Variants in DNMBP observed in about 807,000 individuals in gnomAD.
The protein encoded by DNMBP is dynamin binding protein.
A neutral mutation model predicts 150.0 loss-of-function variants in DNMBP; 87 were observed. That is an observed-to-expected ratio of 0.58 (90% CI 0.49 to 0.69). The LOEUF is 0.69. Among genes scored for constraint, DNMBP ranks in the 30% least tolerant of loss-of-function variants. DNMBP has a pLI of 0.00. For missense variants in DNMBP, 1,774 were observed against 1,949.0 expected, an observed-to-expected ratio of 0.91 and a Z score of 1.69; for synonymous variants, 711 against 750.4, an observed-to-expected ratio of 0.95 and a Z score of 0.86.
intron 1 of DNMBP, among the ~76,000 whole-genome samples, chr10:99,992,785 C>A (rs2133379258): frequency 6.6e-6 from 1 of 152,240 alleles, no homozygotes; most frequent in Non-Finnish European, 1.5e-5. Context: ...CTGGGCCTCC[C>A]AAAGTGCTGG....
Position 99,877,349 on chromosome 10 carries a change from G to A in DNMBP, c.4549-13C>T, listed in dbSNP as rs565690630. ...CAGCAAAATAGACCTGTGTGAGGGAGAGAGAGAAAATGGGAAATTGCTGGG... is the reference window on the plus strand; with the variant it reads ...CAGCAAAATAGACCTGTGTGAGGGAAAGAGAGAAAATGGGAAATTGCTGGG... On this transcript the variant is annotated splice_polypyrimidine_tract_variant and intron_variant, in intron 16 of 16. Transcript: ENST00000324109. The A allele has an allele frequency of 1.9e-6, 3 of 1,590,884 alleles. No homozygotes were observed. Among genetic ancestry groups the A allele is most frequent in the Non-Finnish European group, 2.6e-6 (3 of 1,168,108 alleles).
chr10:99,975,227 G>A (rs2040716143), intron 1 of DNMBP, among the ~76,000 whole-genome samples: 1 of 152,134 alleles, frequency 6.6e-6, no homozygotes, highest in South Asian at 2.1e-4. Flanking sequence ...AGGCGTGGTG[G>A]TGCATGCCTG....
chr10:99,896,368 T>TA lies in DNMBP; in HGVS notation c.2949dup (p.Ser984Ter). Reference sequence around the variant, plus strand: ...AGTTTGGAAATTTTCTCCATAAGGCTATCTTCATCACCCTTACGGTACTTG... The same window carrying TA: ...AGTTTGGAAATTTTCTCCATAAGGCTAATCTTCATCACCCTTACGGTACTTG... On this transcript the variant is annotated frameshift_variant, in exon 10 of 17. Transcript: ENST00000324109. LOFTEE classifies it high-confidence loss of function. The TA allele has an allele frequency of 6.2e-7, 1 of 1,614,188 alleles. No homozygotes were observed. Among genetic ancestry groups the TA allele is most frequent in the South Asian group, 1.1e-5 (1 of 91,084 alleles).
chr10:99,959,487 A>T (rs2040537729), intron 3 of DNMBP, among the ~76,000 whole-genome samples: 1 of 152,056 alleles, frequency 6.6e-6, no homozygotes, highest in Admixed American at 6.6e-5. Flanking sequence ...ACACTGTCTC[A>T]AAAACAAAAA....
chr10:100,001,346 G>A lies in DNMBP; in HGVS notation c.-11+8492C>T, dbSNP rs1175309089. Among the ~76,000 whole-genome samples, 9 of 144,436 alleles carry A rather than the reference G, an allele frequency of 6.2e-5. No homozygotes were observed. In the East Asian group the frequency reaches 1.6e-3, roughly 26 times the overall value. 94.8% of individuals were successfully genotyped at this position (144,436 alleles called of 152,430 possible). A position where few individuals can be genotyped will look rare whatever the true frequency, so the allele number is the denominator to read the frequency against. Reference sequence around the variant, plus strand: ...ATAGGGATGTTCACCTATGAATTCTGTCACTTCCACACTAGCAAAAAGTGA... The same window carrying A: ...ATAGGGATGTTCACCTATGAATTCTATCACTTCCACACTAGCAAAAAGTGA... On this transcript the variant is annotated intron_variant, in intron 1 of 16. Coordinates refer to ENST00000324109, the MANE Select transcript of DNMBP (RefSeq NM_015221.4).
At chr10:99,981,301 C>A (rs1285012031) in intron 1 of DNMBP, among the ~76,000 whole-genome samples, 1 of 152,116 alleles carries the variant, frequency 6.6e-6, no homozygotes, top group African/African-American at 2.4e-5. Context: ...CGTGCCTCAG[C>A]CTCCTGAGTA....
intron 3 of DNMBP, among the ~76,000 whole-genome samples, chr10:99,966,648 C>G (rs1390276293): frequency 6.6e-6 from 1 of 152,240 alleles, no homozygotes; most frequent in Non-Finnish European, 1.5e-5. Flanking sequence ...GCTATAATCT[C>G]TTAATCTATT....
intron 4 of DNMBP, chr10:99,930,292 A>G: frequency 1.4e-6 from 1 of 702,982 alleles, no homozygotes; most frequent in Non-Finnish European, 2.6e-6. Context: ...CAGTCAGTCA[A>G]CTGTTCAGCT....
At chr10:99,880,450 G>GT (rs2039350168) in intron 15 of DNMBP, 89 bp from the exon 16 acceptor site, 1 of 1,414,768 alleles carries the variant, frequency 7.1e-7, no homozygotes, top group Non-Finnish European at 9.2e-7. Context: ...AACTGATCTA[G>GT]GTTATTCATC....
At chr10:100,003,430 G>C (rs962850221) in intron 1 of DNMBP, among the ~76,000 whole-genome samples, 1 of 152,124 alleles carries the variant, frequency 6.6e-6, no homozygotes, top group Non-Finnish European at 1.5e-5. Flanking sequence ...ACAATTAAAG[G>C]GGTCAGGGGA....
intron 15 of DNMBP, among the ~76,000 whole-genome samples, chr10:99,881,004 TCA>T (rs2039358743): frequency 6.6e-6 from 1 of 152,098 alleles, no homozygotes; most frequent in Admixed American, 6.6e-5. Flanking sequence ...GGAGGGCAGA[TCA>T]CCAGAGGTCA....
intron 1 of DNMBP, among the ~76,000 whole-genome samples, chr10:99,976,352 G>C (rs2040727313): frequency 6.6e-6 from 1 of 152,162 alleles, no homozygotes; most frequent in Admixed American, 6.6e-5. Flanking sequence ...CCTTGAACAT[G>C]ACTTACTCTT....
intron 6 of DNMBP, among the ~76,000 whole-genome samples, chr10:99,900,906 T>C (rs1401967878): frequency 2.6e-5 from 4 of 152,128 alleles, no homozygotes; most frequent in African/African-American, 9.7e-5. Flanking sequence ...CCTATAATGA[T>C]AAATCCCCAA....
At chr10:99,942,764 T>A (rs2040314414) in intron 4 of DNMBP, among the ~76,000 whole-genome samples, 1 of 152,270 alleles carries the variant, frequency 6.6e-6, no homozygotes. Context: ...AATCAGAAAC[T>A]AGTTTCTCTC....
chr10:100,008,665 T>C (rs1428043018), intron 1 of DNMBP, among the ~76,000 whole-genome samples: 3 of 152,228 alleles, frequency 2.0e-5, no homozygotes, highest in Non-Finnish European at 4.4e-5. Flanking sequence ...CAAGTTAACA[T>C]GTAAAATCGG....
chr10:99,880,397 T>A, intron 15 of DNMBP, 36 bp from the exon 16 acceptor site: 1 of 1,510,974 alleles, frequency 6.6e-7, no homozygotes, highest in Non-Finnish European at 8.8e-7. Context: ...CAAGAACTCT[T>A]AGCAGAAGGC....
intron 2 of DNMBP, among the ~76,000 whole-genome samples, chr10:99,971,103 C>T (rs747511274): frequency 1.3e-4 from 19 of 150,128 alleles, no homozygotes; most frequent in Non-Finnish European, 1.9e-4. Context: ...GAAGGGAAAG[C>T]GGGTGAAAGA....
intron 4 of DNMBP, among the ~76,000 whole-genome samples, chr10:99,944,109 G>C (rs2040331470): frequency 6.6e-6 from 1 of 152,108 alleles, no homozygotes; most frequent in African/African-American, 2.4e-5. Context: ...TAGAACAATG[G>C]GGTTCCGGAA....
intron 4 of DNMBP, among the ~76,000 whole-genome samples, chr10:99,912,369 A>G (rs936655247): frequency 3.9e-5 from 6 of 152,196 alleles, no homozygotes; most frequent in African/African-American, 7.2e-5. Context: ...ACAAAGTACC[A>G]GCAAGCACTT....
Sources: gnomAD v4.1 joint callset for allele counts (sites outside exome capture counted in the v4.1 genomes callset) on GRCh38, gnomAD v4.1.1 for gene constraint, MANE v1.5 for transcripts, NCBI Gene and HGNC (gene_info 2026-07-23, HGNC 2026-07-21) for gene names.